ARHGEF37: variants seen among roughly 807,000 people sequenced by gnomAD.
ARHGEF37 encodes the protein Rho guanine nucleotide exchange factor (GEF) 37.
Under a neutral mutation model 71.1 loss-of-function variants are expected in ARHGEF37, and 55 were observed. The observed-to-expected ratio is 0.77, with a 90% CI of 0.62 to 0.97. ARHGEF37 has a LOEUF of 0.97. ARHGEF37 is among the 50% of genes least tolerant of loss of function. ARHGEF37 has a pLI of 0.00. For synonymous variants in ARHGEF37, 327 were observed against 350.6 expected (o/e 0.93, Z 0.75); for missense variants, 765 against 836.8 (o/e 0.91, Z 1.06).
chr5:149,627,331 G>T (rs1024914227), intron 11 of ARHGEF37, 60 bp downstream of exon 11: 49 of 1,556,100 alleles, frequency 3.1e-5, no homozygotes, highest in Non-Finnish European at 3.7e-5. Context: ...ACAGAAGCCG[G>T]TGCAGAGACC....
chr5:149,627,228 G>A lies in ARHGEF37; in HGVS notation c.1617G>A (p.Lys539=), dbSNP rs1475014947. ...RGQIVAILQN[K]DTKGNSGRWL... The stretch of plus-strand genomic sequence containing the variant: ...AAATCGTGGCCATCCTTCAAAACAA[G>A]GACACCAAAGGCAACAGCGGCCGCT... The change falls in exon 11 of 13, where the codon AAG becomes AAA. Residue 539 remains lysine (K), a synonymous_variant. Coordinates refer to ENST00000333677, the MANE Select transcript of ARHGEF37 (RefSeq NM_001001669.3). 6.2e-7 allele frequency: 1 copy of A among 1,614,010 alleles called. No homozygotes were observed. The highest frequency in any genetic ancestry group is 1.1e-5 in the South Asian group (1 of 91,076).
intron 1 of ARHGEF37, among the ~76,000 whole-genome samples, 166 bp from the exon 2 acceptor site, chr5:149,597,593 T>C (rs1160006044): frequency 6.6e-6 from 1 of 152,184 alleles, no homozygotes; most frequent in Non-Finnish European, 1.5e-5. Context: ...TGCCTTTCAA[T>C]ATTGTTCAGG....
intron 1 of ARHGEF37, among the ~76,000 whole-genome samples, chr5:149,594,291 G>A (rs1270003936): frequency 2.0e-5 from 3 of 152,192 alleles, no homozygotes; most frequent in Non-Finnish European, 4.4e-5. Flanking sequence ...TTTGAGTTGT[G>A]GAACCTGAAT....
At chr5:149,585,608 C>G (rs1763213036) in intron 1 of ARHGEF37, among the ~76,000 whole-genome samples, 1 of 152,188 alleles carries the variant, frequency 6.6e-6, no homozygotes, top group Admixed American at 6.5e-5. Flanking sequence ...ACCTCCGCCT[C>G]CTGGGTTCTA....
Position 149,634,012 on chromosome 5 carries a change from C to G in ARHGEF37, c.*1821C>G, listed in dbSNP as rs143525611. On this transcript the variant is annotated 3_prime_UTR_variant, in exon 13 of 13. Transcript: ENST00000333677. Reference sequence around the variant, plus strand: ...ATAGGAAACCCACTCGTGGGTTCCACAGATACCTACCGAAGGCCTACTGTG... The same window carrying G: ...ATAGGAAACCCACTCGTGGGTTCCAGAGATACCTACCGAAGGCCTACTGTG... 3.7e-4 allele frequency: 56 copies of G among 152,310 alleles called. No individual in the cohort carries two copies. Among genetic ancestry groups the G allele is most frequent in the African/African-American group, 1.3e-3 (53 of 41,562 alleles). The allele number at this position is 152,310 out of a possible 1,614,324, so 9.4% of individuals were successfully genotyped here.
In ARHGEF37 at chr5:149,627,201, C is replaced by T; in HGVS notation, c.1590C>T (p.Gly530=). ...TGTLDLTLPR[G]QIVAILQNKD... ...CTCTGGACCTGACTCTGCCTCGGGG[C>T]CAAATCGTGGCCATCCTTCAAAACA... The change falls in exon 11 of 13, where the codon GGC becomes GGT. Residue 530 remains glycine (G), a synonymous_variant. Transcript: ENST00000333677. 1 of 1,614,076 alleles carries T rather than the reference C, an allele frequency of 6.2e-7. No homozygotes were observed. The highest frequency in any genetic ancestry group is 8.5e-7 in the Non-Finnish European group (1 of 1,180,034).
Position 149,622,000 on chromosome 5 carries a change from G to C in ARHGEF37, c.1273G>C (p.Val425Leu), listed in dbSNP as rs762121510. Reference protein sequence around the residue: ...QWLGQIMCTFVTLQRDLAKQV... With the variant: ...QWLGQIMCTFLTLQRDLAKQV... ...GCTGGGCCAGATCATGTGCACATTCGTGACCCTCCAGAGGGACCTTGCAAA... is the reference window on the plus strand; with the variant it reads ...GCTGGGCCAGATCATGTGCACATTCCTGACCCTCCAGAGGGACCTTGCAAA... The change falls in exon 9 of 13, where the codon GTG becomes CTG. Residue 425 changes from valine to leucine, a missense_variant. By Grantham distance (32) the Val-to-Leu change is conservative. Coordinates refer to ENST00000333677, the MANE Select transcript of ARHGEF37 (RefSeq NM_001001669.3). 6 of 1,614,044 alleles carry C rather than the reference G, an allele frequency of 3.7e-6. No homozygotes were observed. Among genetic ancestry groups the C allele is most frequent in the African/African-American group, 1.3e-5 (1 of 74,940 alleles).
At chr5:149,609,718 A>G in intron 4 of ARHGEF37, 23 bp downstream of exon 4, 1 of 1,611,782 alleles carries the variant, frequency 6.2e-7, no homozygotes, top group Non-Finnish European at 8.5e-7. Context: ...GCCAGTGAGC[A>G]CTCGCTCCTA....
chr5:149,567,496 A>G (rs764249281), intron 1 of ARHGEF37, among the ~76,000 whole-genome samples: 11 of 152,222 alleles, frequency 7.2e-5, no homozygotes, highest in Non-Finnish European at 1.5e-4. Context: ...TCACTGTGGC[A>G]TCCGTTAAGG....
exon 1 of ARHGEF37, chr5:149,552,078 T>A (rs976651686): frequency 6.6e-6 from 1 of 152,186 alleles, no homozygotes; most frequent in Non-Finnish European, 1.5e-5. Context: ...CCTATGTCTT[T>A]GCATTATTGC....
At chr5:149,607,248 C>T (rs1402935761) in intron 3 of ARHGEF37, among the ~76,000 whole-genome samples, 2 of 152,200 alleles carry the variant, frequency 1.3e-5, no homozygotes, top group Non-Finnish European at 2.9e-5. Context: ...ATTTCCTCTA[C>T]TTTATGCCCT....
chr5:149,619,033 C>T lies in ARHGEF37; in HGVS notation c.885C>T (p.Asp295=). 6.2e-7 allele frequency: 1 copy of T among 1,613,732 alleles called. No individual in the cohort carries two copies. Among genetic ancestry groups the T allele is most frequent in the Non-Finnish European group, 8.5e-7 (1 of 1,179,596 alleles). The change falls in exon 7 of 13, where the codon GAC becomes GAT. Residue 295 remains aspartate, a synonymous_variant. Transcript: ENST00000333677. ...ELKNNVAAYL[D]NLQAFLYFRP... ...AGAACAACGTGGCTGCTTACCTGGA[C>T]AATCTGCAGGTGAGGACACTGCAGG...
intron 1 of ARHGEF37, among the ~76,000 whole-genome samples, chr5:149,565,650 C>T (rs1231816812): frequency 6.6e-6 from 1 of 152,128 alleles, no homozygotes; most frequent in East Asian, 1.9e-4. Flanking sequence ...GGACCAGTCA[C>T]TGCACTAAGT....
chr5:149,589,479 C>T (rs1216920720), intron 1 of ARHGEF37, among the ~76,000 whole-genome samples: 1 of 152,048 alleles, frequency 6.6e-6, no homozygotes, highest in African/African-American at 2.4e-5. Flanking sequence ...AGGCATGCAC[C>T]ACCATGCCTG....
intron 1 of ARHGEF37, among the ~76,000 whole-genome samples, chr5:149,586,574 T>A (rs1442034040): frequency 6.6e-6 from 1 of 152,216 alleles, no homozygotes; most frequent in East Asian, 1.9e-4. Flanking sequence ...AATTTTATGT[T>A]TTTGAAAGAC....
intron 3 of ARHGEF37, among the ~76,000 whole-genome samples, chr5:149,604,659 A>G (rs1402647230): frequency 2.8e-5 from 4 of 143,926 alleles, no homozygotes; most frequent in Non-Finnish European, 6.0e-5. Flanking sequence ...CCCTTTTCCC[A>G]GTAAGGCAGC....
intron 1 of ARHGEF37, among the ~76,000 whole-genome samples, chr5:149,557,574 G>C (rs1762771482): frequency 6.6e-6 from 1 of 152,000 alleles, no homozygotes; most frequent in Admixed American, 6.6e-5. Context: ...TAAACTCCTA[G>C]GCTCAAGCAA....
chr5:149,578,700 G>A (rs1763053264), upstream of ARHGEF37, among the ~76,000 whole-genome samples: 1 of 152,158 alleles, frequency 6.6e-6, no homozygotes, highest in South Asian at 2.1e-4. Flanking sequence ...AGAAGTGAAA[G>A]CGAACCCTTT....
intron 1 of ARHGEF37, among the ~76,000 whole-genome samples, chr5:149,571,572 C>G (rs1762965977): frequency 6.6e-6 from 1 of 152,036 alleles, no homozygotes; most frequent in African/African-American, 2.4e-5. Context: ...CCAAATTGAT[C>G]CACAGATTAA....
Sources: gnomAD v4.1 joint callset for allele counts (sites outside exome capture counted in the v4.1 genomes callset) on GRCh38, gnomAD v4.1.1 for gene constraint, MANE v1.5 for transcripts, NCBI Gene and HGNC (gene_info 2026-07-23, HGNC 2026-07-21) for gene names.